Variants in GALNT13 observed in about 807,000 individuals in gnomAD.
GALNT13 encodes the protein polypeptide N-acetylgalactosaminyltransferase 13, also known as UDP-GalNAc:polypeptide N-acetylgalactosaminyltransferase 13.
Under a neutral mutation model 64.2 loss-of-function variants are expected in GALNT13, and 28 were observed. The ratio of observed to expected loss-of-function variants is 0.44; its 90% CI spans 0.32 to 0.60. The LOEUF is 0.60. GALNT13 is among the 20% of genes least tolerant of loss of function. GALNT13 has a pLI of 0.05. For missense variants in GALNT13, 577 were observed against 669.8 expected (o/e 0.86, Z 1.53); for synonymous variants, 214 against 224.6 (o/e 0.95, Z 0.42).
At chr2:154,069,840 A>G (rs1001707321) in intron 3 of GALNT13, among the ~76,000 whole-genome samples, 1 of 152,224 alleles carries the variant, frequency 6.6e-6, no homozygotes, top group South Asian at 2.1e-4. Flanking sequence ...TGAAATTTAC[A>G]AAATACATGT....
At chr2:153,904,315 T>C (rs1688422398) in intron 2 of GALNT13, among the ~76,000 whole-genome samples, 1 of 151,950 alleles carries the variant, frequency 6.6e-6, no homozygotes, top group Non-Finnish European at 1.5e-5. Flanking sequence ...TTGCTAAATA[T>C]GTACATATAT....
At chr2:153,073,898 G>A in the GALNT13 span, among the ~76,000 whole-genome samples, 1 of 152,104 alleles carries the variant, frequency 6.6e-6, no homozygotes, top group Admixed American at 6.6e-5. Flanking sequence ...AAGAGAAGCT[G>A]AGTTGTATTA....
chr2:154,381,993 A>G (rs1353417097), intron 9 of GALNT13, among the ~76,000 whole-genome samples: 2 of 152,094 alleles, frequency 1.3e-5, no homozygotes, highest in Non-Finnish European at 2.9e-5. Context: ...AACACTCCTG[A>G]TGCTCTTCAG....
intron 4 of GALNT13, among the ~76,000 whole-genome samples, chr2:154,156,691 C>T (rs1224472525): frequency 6.6e-6 from 1 of 152,068 alleles, no homozygotes; most frequent in African/African-American, 2.4e-5. Context: ...TTGCTCTCAA[C>T]CACTACAGAA....
At chr2:153,823,190 C>A in the GALNT13 span, among the ~76,000 whole-genome samples, 1 of 152,292 alleles carries the variant, frequency 6.6e-6, no homozygotes, top group East Asian at 1.9e-4. Flanking sequence ...TTTAAAATAG[C>A]CATATTGCCC....
At chr2:153,218,485 T>G in the GALNT13 span, among the ~76,000 whole-genome samples, 22,418 of 152,146 alleles carry the variant, frequency 0.15, 2,107 homozygotes, top group Non-Finnish European at 0.21. Context: ...GCCACAGTAT[T>G]TGTCCTTCCT....
chr2:154,189,713 A>G (rs1686465101), intron 4 of GALNT13, among the ~76,000 whole-genome samples: 1 of 152,176 alleles, frequency 6.6e-6, no homozygotes, highest in Admixed American at 6.5e-5. Context: ...TGGTAAACAT[A>G]ACAGTGTTGT....
intron 4 of GALNT13, among the ~76,000 whole-genome samples, chr2:154,219,263 T>A (rs556020737): frequency 2.6e-5 from 4 of 152,184 alleles, no homozygotes; most frequent in African/African-American, 9.6e-5. Context: ...CTCCCCTACA[T>A]TCTTATGAGG....
rs374169937 is a variant in GALNT13, at chr2:154,281,201, A to T, written c.976-20208A>T. On this transcript the variant is annotated intron_variant, in intron 8 of 12. Coordinates refer to ENST00000392825, the MANE Select transcript of GALNT13 (RefSeq NM_052917.4). ...AGCAATGCTTGTTTATAATGTGAAA[A>T]CCTAACCATTAATTTCTTAAGCAGA... 3.1e-4 allele frequency among the ~76,000 whole-genome samples: 47 copies of T among 152,256 alleles called. No individual in the cohort carries two copies. The Middle Eastern group carries it at 0.01, about 33-fold the overall frequency.
intron 3 of GALNT13, among the ~76,000 whole-genome samples, chr2:154,052,886 G>A (rs545968172): frequency 1.3e-5 from 2 of 151,888 alleles, no homozygotes; most frequent in East Asian, 1.9e-4. Flanking sequence ...ACAGGCGCCC[G>A]CCACCATGCC....
the GALNT13 span, among the ~76,000 whole-genome samples, chr2:153,325,017 C>T: frequency 6.6e-6 from 1 of 151,544 alleles, no homozygotes; most frequent in African/African-American, 2.4e-5. Context: ...GGAAGAAGTC[C>T]TTCTTTTTCT....
rs367711500 is a variant in GALNT13 at position 154,026,893 on chromosome 2, G to T, written c.142+82254G>T. ...TATGCCTCATCATGAGAATGGATAG[G>T]TACACCCAATCGAGCATCCGGAGAA... On this transcript the variant is annotated intron_variant, in intron 3 of 12. Transcript: ENST00000392825. 5.0e-4 allele frequency among the ~76,000 whole-genome samples: 76 copies of T among 152,194 alleles called. 2 individuals carry two copies. In the South Asian group the frequency reaches 0.016, roughly 31 times the overall value.
At chr2:153,446,440 T>A in the GALNT13 span, among the ~76,000 whole-genome samples, 1 of 152,150 alleles carries the variant, frequency 6.6e-6, no homozygotes, top group Admixed American at 6.5e-5. Context: ...TGGGGAAATA[T>A]AGAGAGAAAC....
the GALNT13 span, among the ~76,000 whole-genome samples, chr2:153,426,291 A>G: frequency 2.0e-5 from 3 of 151,866 alleles, no homozygotes; most frequent in African/African-American, 7.2e-5. Flanking sequence ...AAGTAGAGAT[A>G]TCTAAAGAAC....
At chr2:153,468,917 G>A in the GALNT13 span, among the ~76,000 whole-genome samples, 1 of 152,064 alleles carries the variant, frequency 6.6e-6, no homozygotes, top group Non-Finnish European at 1.5e-5. Context: ...AACACTGACT[G>A]AGGAAATTAG....
At chr2:153,349,450 A>G in the GALNT13 span, among the ~76,000 whole-genome samples, 1 of 152,216 alleles carries the variant, frequency 6.6e-6, no homozygotes, top group East Asian at 1.9e-4. Context: ...AAAAATTTGC[A>G]TCACTATGGC....
At chr2:153,646,019 T>A in the GALNT13 span, among the ~76,000 whole-genome samples, 33 of 152,244 alleles carry the variant, frequency 2.2e-4, no homozygotes, top group East Asian at 3.7e-3. Flanking sequence ...TTGTGAGGTA[T>A]GCAGAAAAAC....
intron 9 of GALNT13, among the ~76,000 whole-genome samples, chr2:154,334,104 T>TA (rs1695313349): frequency 6.6e-6 from 1 of 152,004 alleles, no homozygotes; most frequent in African/African-American, 2.4e-5. Flanking sequence ...TATATGATGT[T>TA]AAAACATTCC....
intron 2 of GALNT13, among the ~76,000 whole-genome samples, chr2:153,943,708 T>C (rs1231075242): frequency 6.6e-6 from 1 of 152,194 alleles, no homozygotes; most frequent in Non-Finnish European, 1.5e-5. Flanking sequence ...TTGGCCAGAC[T>C]GGTCTCAAAC....
Sources: allele counts gnomAD v4.1 joint callset (sites outside exome capture counted in the v4.1 genomes callset), GRCh38; gene constraint gnomAD v4.1.1; transcripts MANE v1.5; gene names NCBI Gene and HGNC (gene_info 2026-07-23, HGNC 2026-07-21).